The following SCAPER variants were observed in gnomAD, a reference collection of about 807,000 sequenced individuals.
The protein encoded by SCAPER is S-phase cyclin A associated protein in the ER, also known as S phase cyclin A-associated protein in the endoplasmic reticulum.
A neutral mutation model predicts 182.2 loss-of-function variants in SCAPER; 98 were observed. The ratio of observed to expected loss-of-function variants is 0.54; its 90% CI spans 0.46 to 0.64. SCAPER has a LOEUF of 0.64. Ranked by LOEUF, SCAPER falls within the 30% of genes least tolerant of loss-of-function variation. The probability of loss-of-function intolerance (pLI) is 0.00; values close to 1 mark genes in which losing one functional copy is unlikely to be tolerated. For synonymous variants in SCAPER, 605 were observed against 564.6 expected (o/e 1.07, Z -1.01); for missense variants, 1,432 against 1,690.0 (o/e 0.85, Z 2.68).
chr15:76,723,620 T>C (rs60912217), intron 17 of SCAPER, among the ~76,000 whole-genome samples: 33,920 of 152,168 alleles, frequency 0.22, 4,707 homozygotes, highest in Admixed American at 0.35. Flanking sequence ...TGCTCCTGTA[T>C]TGGGTGCATG....
At chr15:76,615,314 A>G (rs1441632991) in intron 22 of SCAPER, among the ~76,000 whole-genome samples, 1 of 151,910 alleles carries the variant, frequency 6.6e-6, no homozygotes, top group Non-Finnish European at 1.5e-5. Context: ...AGTTGGTGGC[A>G]CACTCCTGTA....
intron 23 of SCAPER, among the ~76,000 whole-genome samples, chr15:76,535,739 C>T (rs895143373): frequency 6.6e-6 from 1 of 151,992 alleles, no homozygotes; most frequent in African/African-American, 2.4e-5. Context: ...CTAGGTTCTG[C>T]ATAGTCTATA....
At chr15:76,556,636 T>C (rs984012586) in intron 23 of SCAPER, among the ~76,000 whole-genome samples, 1 of 151,694 alleles carries the variant, frequency 6.6e-6, no homozygotes, top group African/African-American at 2.4e-5. Flanking sequence ...AAGAAACAGA[T>C]AAATTCCTGG....
At chr15:76,381,287 G>T (rs1427241642) in intron 28 of SCAPER, 91 bp downstream of exon 28, 2 of 970,068 alleles carry the variant, frequency 2.1e-6, no homozygotes, top group South Asian at 1.4e-5. Context: ...TATTCCTTAT[G>T]CCCCAATTCA....
intron 26 of SCAPER, among the ~76,000 whole-genome samples, chr15:76,425,724 G>GT (rs1192025914): frequency 6.6e-6 from 1 of 152,236 alleles, no homozygotes; most frequent in Non-Finnish European, 1.5e-5. Flanking sequence ...TTTCTGCTCT[G>GT]TTTTTTTCCC....
At chr15:76,423,228 G>A (rs533173734) in intron 26 of SCAPER, among the ~76,000 whole-genome samples, 3 of 152,238 alleles carry the variant, frequency 2.0e-5, no homozygotes, top group South Asian at 2.1e-4. Context: ...GGTAGAATTC[G>A]GCTGTGAATC....
Position 76,456,069 on chromosome 15 carries a change from T to C in SCAPER, c.3078+15143A>G, listed in dbSNP as rs144804712. Among the ~76,000 whole-genome samples, 295 of 152,336 alleles carry C rather than the reference T, an allele frequency of 1.9e-3. 2 individuals are homozygous for C. Among genetic ancestry groups the C allele is most frequent in the African/African-American group, 6.9e-3 (285 of 41,578 alleles). The stretch of plus-strand genomic sequence containing the variant: ...CACATTTTCTTTATCCAGTCTATCA[T>C]TGATGAGCATTTGGGTTGGTTCCAA... On this transcript the variant is annotated intron_variant, in intron 25 of 31. Transcript: ENST00000563290.
chr15:76,873,331 A>C (rs11636724), intron 2 of SCAPER, among the ~76,000 whole-genome samples: 1,871 of 83,648 alleles, frequency 0.022, 83 homozygotes, highest in Non-Finnish European at 0.032. Context: ...GGAAGGAAGG[A>C]AGGCAGGCAG....
intron 26 of SCAPER, among the ~76,000 whole-genome samples, chr15:76,426,915 T>G (rs1265194334): frequency 6.6e-6 from 1 of 152,196 alleles, no homozygotes; most frequent in Non-Finnish European, 1.5e-5. Flanking sequence ...GATAAATTCA[T>G]GCACTGACAA....
intron 14 of SCAPER, among the ~76,000 whole-genome samples, chr15:76,759,322 A>G (rs34270819): frequency 5.3e-5 from 8 of 152,330 alleles, no homozygotes; most frequent in African/African-American, 9.6e-5. Flanking sequence ...TGGAAGTCCA[A>G]TATCAAGGTG....
chr15:76,655,596 C>G (rs2055564354), intron 21 of SCAPER, among the ~76,000 whole-genome samples: 1 of 152,164 alleles, frequency 6.6e-6, no homozygotes, highest in African/African-American at 2.4e-5. Context: ...AGTCATCAGA[C>G]TCTCCACAAT....
At chr15:76,792,099 T>C (rs1164424711) in intron 8 of SCAPER, among the ~76,000 whole-genome samples, 1 of 150,546 alleles carries the variant, frequency 6.6e-6, no homozygotes, top group Admixed American at 6.6e-5. Context: ...GTTAAGACTG[T>C]GAGTGATGCT....
intron 22 of SCAPER, among the ~76,000 whole-genome samples, chr15:76,579,838 T>C (rs1390090113): frequency 1.3e-5 from 2 of 151,822 alleles, no homozygotes; most frequent in Non-Finnish European, 2.9e-5. Flanking sequence ...AGATATTACA[T>C]GAAAATGGAA....
chr15:76,871,549 C>T (rs1161205662), intron 2 of SCAPER, among the ~76,000 whole-genome samples: 2 of 149,454 alleles, frequency 1.3e-5, no homozygotes, highest in East Asian at 1.9e-4. Context: ...GGAGCTGCGG[C>T]TGGCGTTATC....
intron 2 of SCAPER, among the ~76,000 whole-genome samples, chr15:76,875,463 G>C (rs1720899952): frequency 6.6e-6 from 1 of 152,088 alleles, no homozygotes. Flanking sequence ...GGCCAATATG[G>C]CAAAACCCCA....
At chr15:76,735,597 G>A (rs2061207444) in intron 15 of SCAPER, among the ~76,000 whole-genome samples, 1 of 151,128 alleles carries the variant, frequency 6.6e-6, no homozygotes, top group African/African-American at 2.4e-5. Context: ...AGCTACTTTG[G>A]AGGCTGAGGC....
intron 21 of SCAPER, among the ~76,000 whole-genome samples, chr15:76,632,112 G>A (rs1440923038): frequency 1.3e-5 from 2 of 152,038 alleles, no homozygotes; most frequent in Non-Finnish European, 2.9e-5. Context: ...TGACGTTCTC[G>A]TGTTGTGTTT....
intron 23 of SCAPER, among the ~76,000 whole-genome samples, chr15:76,537,516 T>C (rs1017860280): frequency 6.6e-6 from 1 of 152,158 alleles, no homozygotes; most frequent in East Asian, 1.9e-4. Context: ...GCTAGCCATA[T>C]GTAGAAAGCT....
At chr15:76,636,960 A>C (rs2053652926) in intron 21 of SCAPER, among the ~76,000 whole-genome samples, 1 of 152,168 alleles carries the variant, frequency 6.6e-6, no homozygotes, top group Non-Finnish European at 1.5e-5. Context: ...AGATAACTTT[A>C]GCATTATTCC....
Sources: gnomAD v4.1 joint callset for allele counts (sites outside exome capture counted in the v4.1 genomes callset) on GRCh38, gnomAD v4.1.1 for gene constraint, MANE v1.5 for transcripts, NCBI Gene and HGNC (gene_info 2026-07-23, HGNC 2026-07-21) for gene names.